Variants in SPTBN1 observed in about 807,000 individuals in gnomAD.
The protein encoded by SPTBN1 is spectrin beta, non-erythrocytic 1.
SPTBN1 carries 32 observed loss-of-function variants against 266.4 expected under a neutral mutation model. The observed-to-expected ratio is 0.12, with a 90% CI of 0.09 to 0.16. The LOEUF (loss-of-function observed/expected upper bound fraction) is 0.16, where lower values mean the gene tolerates loss of function less well. SPTBN1 is among the 10% of genes least tolerant of loss of function. The probability of loss-of-function intolerance (pLI) is 1.00; values close to 1 mark genes in which losing one functional copy is unlikely to be tolerated. For synonymous variants in SPTBN1, 1,336 were observed against 1,162.2 expected (o/e 1.15, Z -3.04); for missense variants, 2,296 against 3,067.1 (o/e 0.75, Z 5.94).
At chr2:54,470,248 A>G (rs1573213646) in intron 1 of SPTBN1, among the ~76,000 whole-genome samples, 4 of 126,276 alleles carry the variant, frequency 3.2e-5, no homozygotes, top group South Asian at 4.7e-4. Flanking sequence ...TTTTTTATAT[A>G]TATTTTTTCC....
chr2:54,507,453 A>ATC (rs1293493017), intron 1 of SPTBN1, among the ~76,000 whole-genome samples: 1 of 152,186 alleles, frequency 6.6e-6, no homozygotes, highest in African/African-American at 2.4e-5. Flanking sequence ...GGGAGAGATG[A>ATC]AGCTGAAGGA....
chr2:54,650,093 T>A, intron 26 of SPTBN1, 104 bp downstream of exon 26: 1 of 1,432,756 alleles, frequency 7.0e-7, no homozygotes, highest in Non-Finnish European at 9.3e-7. Context: ...TCAAAAGAAT[T>A]GCCCCAATTA....
chr2:54,625,077 G>A (rs1678237462), intron 11 of SPTBN1, 115 bp downstream of exon 11: 1 of 1,286,048 alleles, frequency 7.8e-7, no homozygotes, highest in African/African-American at 1.5e-5. Flanking sequence ...TTATTCTGGA[G>A]GAACGTCAGG....
In SPTBN1 at chr2:54,611,472, CTCTA is replaced by C. The variant is rs991612215; in HGVS notation, c.301-687_301-684del. Among the ~76,000 whole-genome samples the C allele has an allele frequency of 6.1e-4, 92 of 151,424 alleles. 1 individual carries two copies. Among genetic ancestry groups the C allele is most frequent in the African/African-American group, 2.1e-3 (87 of 40,902 alleles). ...TACACATATGCATTATCTACTCTCT[CTCTA>C]TATATATATTTTTTGTTTGTTTGTT... On this transcript the variant is annotated intron_variant, in intron 3 of 35. Transcript: ENST00000356805.
intron 34 of SPTBN1, among the ~76,000 whole-genome samples, chr2:54,667,323 A>G (rs1301274531): frequency 2.0e-5 from 3 of 152,190 alleles, no homozygotes; most frequent in African/African-American, 7.2e-5. Flanking sequence ...TTTTTGCCAC[A>G]ATAAACCCAA....
At chr2:54,482,889 C>G (rs1331978177) in intron 1 of SPTBN1, among the ~76,000 whole-genome samples, 1 of 152,160 alleles carries the variant, frequency 6.6e-6, no homozygotes, top group Non-Finnish European at 1.5e-5. Flanking sequence ...TTTTAAGCAG[C>G]CTTTTTCTCA....
At position 54,637,807 on chromosome 2, in the gene SPTBN1, T is replaced by C; in HGVS notation, c.3858+4T>C. 1 of 1,611,422 alleles carries C rather than the reference T, an allele frequency of 6.2e-7. No homozygotes were observed. Among genetic ancestry groups the C allele is most frequent in the Non-Finnish European group, 8.5e-7 (1 of 1,177,774 alleles). ...ATTCCTGCAAGATTGTCAAGAGGTA[T>C]GTTACTCTTTAATCCCTCTATTCCT... is the stretch of plus-strand genomic sequence containing the variant. On this transcript the variant is annotated splice_donor_region_variant and intron_variant, in intron 18 of 35. Coordinates refer to ENST00000356805, the MANE Select transcript of SPTBN1 (RefSeq NM_003128.3).
chr2:54,644,724 C>G (rs1679806991), intron 20 of SPTBN1, 138 bp downstream of exon 20: 8 of 1,129,942 alleles, frequency 7.1e-6, no homozygotes, highest in Non-Finnish European at 9.9e-6. Flanking sequence ...ATTACTTGCT[C>G]TAACAGCATC....
intron 1 of SPTBN1, among the ~76,000 whole-genome samples, chr2:54,506,894 C>CTTTTTTT (rs779582626): frequency 0.36 from 48,344 of 132,710 alleles, 9,220 homozygotes; most frequent in African/African-American, 0.45. Context: ...GGTTCTCTCT[C>CTTTTTTT]TTTTTTTTTT....
chr2:54,630,128 G>A (rs947145006), intron 15 of SPTBN1, 99 bp downstream of exon 15: 1 of 1,467,754 alleles, frequency 6.8e-7, no homozygotes, highest in Non-Finnish European at 9.1e-7. Context: ...CCCACATGGG[G>A]TCATCGACAT....
Position 54,558,213 on chromosome 2 carries a change from A to G in SPTBN1, c.148+31647A>G, listed in dbSNP as rs991608344. On this transcript the variant is annotated intron_variant, in intron 2 of 35. Transcript: ENST00000356805. The surrounding 1 kb of genome is among the most constrained non-coding windows in gnomAD (Gnocchi z 4.6). ...TGCCGGGCGGCTGGGGCGACCGCGGACCGTGCGGGACCGGTAGGGGGTCGC... is the reference window on the plus strand; with the variant it reads ...TGCCGGGCGGCTGGGGCGACCGCGGGCCGTGCGGGACCGGTAGGGGGTCGC... 1 of 985,154 alleles carries G rather than the reference A, an allele frequency of 1.0e-6. No homozygotes were observed. Among genetic ancestry groups the G allele is most frequent in the African/African-American group, 1.7e-5 (1 of 57,194 alleles). The allele number at this position is 985,154 out of a possible 1,614,324, so 61.0% of individuals were successfully genotyped here.
intron 31 of SPTBN1, 79 bp downstream of exon 31, chr2:54,659,345 T>A: frequency 2.1e-6 from 3 of 1,396,604 alleles, no homozygotes; most frequent in Non-Finnish European, 3.0e-6. Flanking sequence ...TCTGAAGCCT[T>A]GCATTGCTAG....
intron 18 of SPTBN1, among the ~76,000 whole-genome samples, chr2:54,640,369 G>A (rs1004056865): frequency 6.6e-6 from 1 of 152,100 alleles, no homozygotes; most frequent in African/African-American, 2.4e-5. Context: ...CTTGGTTAGA[G>A]AAGGTGTGGA....
intron 2 of SPTBN1, among the ~76,000 whole-genome samples, chr2:54,549,276 T>A (rs1422622409): frequency 8.3e-6 from 1 of 120,550 alleles, no homozygotes; most frequent in Non-Finnish European, 1.6e-5. Flanking sequence ...GCAATAAGAG[T>A]GAAACTCTGT....
chr2:54,489,665 C>G (rs1668584059), intron 1 of SPTBN1, among the ~76,000 whole-genome samples: 1 of 152,170 alleles, frequency 6.6e-6, no homozygotes, highest in African/African-American at 2.4e-5. Context: ...TGCCACTGCA[C>G]TCCAGCCAGG....
chr2:54,504,409 G>A (rs765355689), intron 1 of SPTBN1, among the ~76,000 whole-genome samples: 87 of 152,282 alleles, frequency 5.7e-4, no homozygotes, highest in Admixed American at 1.2e-3. Flanking sequence ...AAGCAGTACA[G>A]CTGGCCCCCT....
intron 2 of SPTBN1, among the ~76,000 whole-genome samples, chr2:54,577,452 C>T (rs1025596206): frequency 1.2e-4 from 19 of 152,082 alleles, no homozygotes; most frequent in African/African-American, 2.4e-5. Context: ...AGAGGGAAAG[C>T]AAAAGAAAAG....
Position 54,623,556 on chromosome 2 carries a change from A to C in SPTBN1, c.1142A>C (p.Tyr381Ser), listed in dbSNP as rs775898205. Residue 381 changes from tyrosine to serine, a missense_variant, in exon 10 of 36, where the codon TAC (tyrosine) becomes TCC (serine). Tyr to Ser is a moderately radical substitution (Grantham distance 144). Around this residue, in one of 12 missense-constraint regions of SPTBN1, gnomAD observed 148 missense variants for 203.8 expected, o/e 0.73. Coordinates refer to ENST00000356805, the MANE Select transcript of SPTBN1 (RefSeq NM_003128.3). Reference sequence around the variant, plus strand: ...ATGAGGGCCAACAACCAGAAGGTCTACATGCCCCGGGAGGGGAAGCTCATC... The same window carrying C: ...ATGAGGGCCAACAACCAGAAGGTCTCCATGCCCCGGGAGGGGAAGCTCATC... Reference protein sequence around the residue: ...SKMRANNQKVYMPREGKLISD... With the variant: ...SKMRANNQKVSMPREGKLISD... 6.2e-7 allele frequency: 1 copy of C among 1,614,082 alleles called. No homozygotes were observed. Among genetic ancestry groups the C allele is most frequent in the Non-Finnish European group, 8.5e-7 (1 of 1,180,032 alleles).
At chr2:54,655,341 T>C in intron 28 of SPTBN1, 133 bp downstream of exon 28, 1 of 1,224,640 alleles carries the variant, frequency 8.2e-7, no homozygotes, top group Non-Finnish European at 1.1e-6. Context: ...AAAACTCCTT[T>C]CCTGTGCGTC....
Sources: allele counts gnomAD v4.1 joint callset (sites outside exome capture counted in the v4.1 genomes callset), GRCh38; gene constraint gnomAD v4.1.1; regional missense constraint gnomAD v4.1.1; non-coding constraint Gnocchi (gnomAD v3.1); transcripts MANE v1.5; gene names NCBI Gene and HGNC (gene_info 2026-07-23, HGNC 2026-07-21).